The following WDR70 variants were observed in gnomAD, a reference collection of about 807,000 sequenced individuals.
WDR70 encodes the protein WD repeat domain 70, also known as WD repeat-containing protein 70.
WDR70 carries 53 observed loss-of-function variants against 88.6 expected under a neutral mutation model. The ratio of observed to expected loss-of-function variants is 0.60; its 90% CI spans 0.48 to 0.75. The LOEUF (loss-of-function observed/expected upper bound fraction) is 0.75, where lower values mean the gene tolerates loss of function less well. Ranked by LOEUF, WDR70 falls within the 30% of genes least tolerant of loss-of-function variation. The pLI is 0.00. For missense variants in WDR70, 610 were observed against 823.2 expected (o/e 0.74, Z 3.17); for synonymous variants, 280 against 270.0 (o/e 1.04, Z -0.36).
intron 8 of WDR70, chr5:37,506,650 A>G: frequency 2.6e-6 from 2 of 780,286 alleles, no homozygotes; most frequent in Middle Eastern, 3.6e-4. Context: ...AGATCAATAA[A>G]TGGCTCTCCC....
At chr5:37,438,943 A>G (rs1352217748) in intron 6 of WDR70, among the ~76,000 whole-genome samples, 1 of 150,094 alleles carries the variant, frequency 6.7e-6, no homozygotes, top group East Asian at 2.0e-4. Flanking sequence ...TTTGAGACAG[A>G]GTCTCACTCT....
intron 13 of WDR70, among the ~76,000 whole-genome samples, chr5:37,706,398 A>T (rs150513817): frequency 1.3e-5 from 2 of 152,148 alleles, no homozygotes; most frequent in Admixed American, 6.5e-5. Flanking sequence ...CCCAAATCTC[A>T]TCTTGAATTG....
chr5:37,735,029 A>G (rs1335039714), intron 17 of WDR70, among the ~76,000 whole-genome samples: 1 of 152,156 alleles, frequency 6.6e-6, no homozygotes, highest in Non-Finnish European at 1.5e-5. Context: ...TCCATTTTAT[A>G]AAGATTTGAT....
chr5:37,673,392 A>G (rs1746088117), intron 10 of WDR70, among the ~76,000 whole-genome samples: 1 of 152,114 alleles, frequency 6.6e-6, no homozygotes, highest in African/African-American at 2.4e-5. Context: ...TAATAGAACC[A>G]TGTCTATTCC....
chr5:37,689,500 GCTGCAATATTTGCTGTT>G (rs1017733883), intron 10 of WDR70, among the ~76,000 whole-genome samples: 10 of 152,192 alleles, frequency 6.6e-5, no homozygotes, highest in Admixed American at 2.6e-4. Context: ...GAAGGATCAG[GCTGCAATATTTGCTGTT>G]CTGCAATATT....
chr5:37,706,793 T>C (rs1464528109), intron 13 of WDR70, among the ~76,000 whole-genome samples: 1 of 152,054 alleles, frequency 6.6e-6, no homozygotes, highest in Admixed American at 6.6e-5. Flanking sequence ...TGTTATCTAA[T>C]TCTTTGTGAT....
intron 10 of WDR70, among the ~76,000 whole-genome samples, chr5:37,642,274 G>A (rs953443227): frequency 1.3e-5 from 2 of 152,034 alleles, no homozygotes; most frequent in Admixed American, 1.3e-4. Flanking sequence ...CAAATGCTTA[G>A]TAAGTTTGTT....
intron 9 of WDR70, among the ~76,000 whole-genome samples, chr5:37,543,793 G>A (rs750109259): frequency 6.6e-6 from 1 of 152,082 alleles, no homozygotes; most frequent in Non-Finnish European, 1.5e-5. Context: ...TTTGGAGATG[G>A]AGTCTCGCTC....
chr5:37,452,893 A>G (rs997029211), intron 7 of WDR70, among the ~76,000 whole-genome samples: 5 of 152,350 alleles, frequency 3.3e-5, no homozygotes, highest in Admixed American at 1.3e-4. Context: ...GAAGGGAGAT[A>G]GAAGTCCAAG....
rs558653999 is a variant in WDR70, at chr5:37,607,373, G to A, written c.1092+2135G>A. Among the ~76,000 whole-genome samples, 4 of 152,138 alleles carry A rather than the reference G, an allele frequency of 2.6e-5. No individual in the cohort carries two copies. The East Asian group carries it at 5.8e-4, about 22-fold the overall frequency. ...AACAGTAGTTAAATAATTATATGAT[G>A]GATAATGGTTAATCTGTATTTTGTG... On this transcript the variant is annotated intron_variant, in intron 10 of 17. Coordinates refer to ENST00000265107, the MANE Select transcript of WDR70 (RefSeq NM_018034.4).
intron 9 of WDR70, among the ~76,000 whole-genome samples, chr5:37,604,148 A>G (rs1201393309): frequency 6.6e-6 from 1 of 152,058 alleles, no homozygotes; most frequent in Non-Finnish European, 1.5e-5. Context: ...CTTTTGTCAT[A>G]TTTATTCTAC....
chr5:37,392,013 AGAG>A lies in WDR70; in HGVS notation c.192_194del (p.Glu66del). ...TAATCTTTTCAGAAGCAAGAGAAAA[AGAG>A]GAAGAAATGAACAGAGAGAAAGAAT... On this transcript the variant is annotated inframe_deletion, in exon 4 of 18. Coordinates refer to ENST00000265107, the MANE Select transcript of WDR70 (RefSeq NM_018034.4). The A allele has an allele frequency of 6.3e-7, 1 of 1,597,456 alleles. No individual in the cohort carries two copies. The highest frequency in any genetic ancestry group is 1.9e-5 in the Admixed American group (1 of 53,884).
chr5:37,648,401 C>T (rs967645346), intron 10 of WDR70, among the ~76,000 whole-genome samples: 4 of 152,034 alleles, frequency 2.6e-5, no homozygotes, highest in African/African-American at 9.7e-5. Context: ...CTGTTTTCAT[C>T]TAATTTTATG....
chr5:37,446,985 T>C (rs996920001), intron 7 of WDR70, among the ~76,000 whole-genome samples: 22 of 152,004 alleles, frequency 1.4e-4, no homozygotes, highest in Admixed American at 3.9e-4. Flanking sequence ...AAAGAAACTA[T>C]CATCAGAGTG....
At chr5:37,748,238 A>G (rs1362186694) in intron 17 of WDR70, among the ~76,000 whole-genome samples, 3 of 152,162 alleles carry the variant, frequency 2.0e-5, no homozygotes, top group African/African-American at 7.2e-5. Context: ...GACTTTAAAC[A>G]TACTACAAGG....
At chr5:37,438,808 A>G (rs928950459) in intron 6 of WDR70, among the ~76,000 whole-genome samples, 1 of 152,278 alleles carries the variant, frequency 6.6e-6, no homozygotes, top group Non-Finnish European at 1.5e-5. Context: ...GTTATTTTAA[A>G]TGAAATGGAA....
chr5:37,450,112 T>G (rs1280339682), intron 7 of WDR70, among the ~76,000 whole-genome samples: 1 of 152,200 alleles, frequency 6.6e-6, no homozygotes, highest in Non-Finnish European at 1.5e-5. Context: ...ATTCCATGGT[T>G]TATATGTGCC....
intron 10 of WDR70, among the ~76,000 whole-genome samples, chr5:37,616,402 C>T (rs1158549588): frequency 1.3e-5 from 2 of 152,158 alleles, no homozygotes; most frequent in African/African-American, 4.8e-5. Flanking sequence ...GCCACTGCAC[C>T]CAGCCTAAAT....
At chr5:37,556,413 A>G (rs1742296685) in intron 9 of WDR70, among the ~76,000 whole-genome samples, 1 of 152,082 alleles carries the variant, frequency 6.6e-6, no homozygotes, top group African/African-American at 2.4e-5. Context: ...GATTTTGAAA[A>G]GTTTTAAAAT....
Sources: gnomAD v4.1 joint callset for allele counts (sites outside exome capture counted in the v4.1 genomes callset) on GRCh38, gnomAD v4.1.1 for gene constraint, MANE v1.5 for transcripts, NCBI Gene and HGNC (gene_info 2026-07-23, HGNC 2026-07-21) for gene names.